The following CTDSPL variants were observed in gnomAD, a reference collection of about 807,000 sequenced individuals.
CTDSPL encodes the protein CTD small phosphatase-like protein.
CTDSPL carries 8 observed loss-of-function variants against 30.5 expected under a neutral mutation model. The observed-to-expected ratio is 0.26, with a 90% CI of 0.15 to 0.47. The LOEUF (loss-of-function observed/expected upper bound fraction) is 0.47. Among genes scored for constraint, CTDSPL ranks in the 20% least tolerant of loss-of-function variants. The pLI, the probability that CTDSPL is intolerant of heterozygous loss-of-function variation, is 0.99. For synonymous variants in CTDSPL, 110 were observed against 137.9 expected (o/e 0.80, Z 1.42); for missense variants, 248 against 366.1 (o/e 0.68, Z 2.63).
chr3:37,971,737 C>G (rs1699369167), intron 6 of CTDSPL, among the ~76,000 whole-genome samples: 1 of 152,214 alleles, frequency 6.6e-6, no homozygotes, highest in Admixed American at 6.5e-5. Context: ...TTGCTGTGTG[C>G]AGCCACCTGA....
rs2125638094 is a variant in CTDSPL at position 37,982,450 on chromosome 3, C to T, written c.*1583C>T. 2.3e-6 allele frequency: 1 copy of T among 442,312 alleles called. No homozygotes were observed. Among genetic ancestry groups the T allele is most frequent in the African/African-American group, 2.0e-5 (1 of 49,834 alleles). 27.4% of individuals were successfully genotyped at this position (442,312 alleles called of 1,614,324 possible). A position where few individuals can be genotyped will look rare whatever the true frequency, so the allele number is the denominator to read the frequency against. ...AACCCTTTCATATTGGCACCATTGC[C>T]TTAGTCCTCTGTGGGTTGGTCTTCA... On this transcript the variant is annotated 3_prime_UTR_variant, in exon 8 of 8. Transcript: ENST00000273179.
intron 1 of CTDSPL, among the ~76,000 whole-genome samples, chr3:37,908,921 G>A (rs2125604783): frequency 6.6e-6 from 1 of 152,254 alleles, no homozygotes; most frequent in East Asian, 1.9e-4. Flanking sequence ...CTGTTGGAGT[G>A]GTCTTGGGTT....
intron 1 of CTDSPL, among the ~76,000 whole-genome samples, chr3:37,893,808 T>A (rs1192250123): frequency 6.6e-6 from 1 of 152,224 alleles, no homozygotes; most frequent in Non-Finnish European, 1.5e-5. Context: ...GAAAAGTAAC[T>A]TCTTGCACAC....
intron 2 of CTDSPL, among the ~76,000 whole-genome samples, chr3:37,955,602 A>T (rs1699162357): frequency 6.6e-6 from 1 of 152,170 alleles, no homozygotes; most frequent in Non-Finnish European, 1.5e-5. Context: ...CAGAAAACCA[A>T]ATACCGCACG....
intron 1 of CTDSPL, among the ~76,000 whole-genome samples, chr3:37,914,773 A>G (rs1698624692): frequency 6.6e-6 from 1 of 151,750 alleles, no homozygotes; most frequent in Non-Finnish European, 1.5e-5. Flanking sequence ...TGTCCTTGTC[A>G]GATTTTTGTG....
intron 1 of CTDSPL, among the ~76,000 whole-genome samples, chr3:37,917,298 C>G (rs560514127): frequency 6.6e-6 from 1 of 152,280 alleles, no homozygotes; most frequent in South Asian, 2.1e-4. Context: ...TTCACACGTA[C>G]ATGTTTATAG....
intron 1 of CTDSPL, among the ~76,000 whole-genome samples, chr3:37,882,491 C>A (rs1418509229): frequency 1.3e-5 from 2 of 150,388 alleles, no homozygotes; most frequent in Admixed American, 1.3e-4. Flanking sequence ...GTGGTGCACA[C>A]CTGTAAACCC....
In CTDSPL at chr3:37,977,489, T is replaced by C. The variant is rs1170582289; in HGVS notation, c.705+1595T>C. 2.0e-5 allele frequency among the ~76,000 whole-genome samples: 3 copies of C among 152,322 alleles called. No homozygotes were observed. In the East Asian group the frequency reaches 5.8e-4, roughly 29 times the overall value. On this transcript the variant is annotated intron_variant, in intron 7 of 7. Coordinates refer to ENST00000273179, the MANE Select transcript of CTDSPL (RefSeq NM_001008392.2). ...ACATTCTGGATTTGTCCAGCTGCTG[T>C]CTTGTGATGATGTTTAATATGTTCT...
At position 37,975,288 on chromosome 3, in the gene CTDSPL, T is replaced by C. The variant is rs1699412357; in HGVS notation, c.520-421T>C. Among the ~76,000 whole-genome samples the C allele has an allele frequency of 6.7e-6, 1 of 149,502 alleles. No homozygotes were observed. The highest frequency in any genetic ancestry group is 2.0e-4 in the East Asian group (1 of 5,078). On this transcript the variant is annotated intron_variant, in intron 6 of 7. Coordinates refer to ENST00000273179, the MANE Select transcript of CTDSPL (RefSeq NM_001008392.2). This position sits in a 1 kb window ranked among gnomAD's most constrained non-coding sequence, Gnocchi z 4.9. ...AGTGCGGTGTGTAGACAGTGGAGAG[T>C]TTTCAGCAGAGGAGTGACATGATGG...
intron 1 of CTDSPL, among the ~76,000 whole-genome samples, chr3:37,946,319 G>A (rs1276860189): frequency 6.6e-6 from 1 of 152,250 alleles, no homozygotes; most frequent in East Asian, 1.9e-4. Context: ...GTTCAGAGCA[G>A]GCCAGGGCAC....
At chr3:37,980,410 T>G (rs1699476221) in intron 7 of CTDSPL, among the ~76,000 whole-genome samples, 2 of 152,196 alleles carry the variant, frequency 1.3e-5, no homozygotes, top group South Asian at 4.1e-4. Context: ...TCTTGTGCAG[T>G]AGAAAGAGCT....
chr3:37,921,607 C>CCACACACACACACACA (rs58395906), intron 1 of CTDSPL, among the ~76,000 whole-genome samples: 4 of 147,746 alleles, frequency 2.7e-5, no homozygotes, highest in African/African-American at 1.0e-4. Flanking sequence ...ACCCTAACTA[C>CCACACACACACACACA]CACACACACA....
chr3:37,886,432 T>TC (rs1042682951), intron 1 of CTDSPL, among the ~76,000 whole-genome samples: 1 of 152,094 alleles, frequency 6.6e-6, no homozygotes, highest in African/African-American at 2.4e-5. Context: ...GTTGTCGAGG[T>TC]CCCATACCCT....
intron 2 of CTDSPL, among the ~76,000 whole-genome samples, chr3:37,952,861 A>G (rs1327729526): frequency 6.6e-6 from 1 of 152,254 alleles, no homozygotes; most frequent in Non-Finnish European, 1.5e-5. Flanking sequence ...TCAGAGGTTT[A>G]AACAATAAAA....
At chr3:37,908,888 G>C (rs1698547831) in intron 1 of CTDSPL, among the ~76,000 whole-genome samples, 1 of 152,148 alleles carries the variant, frequency 6.6e-6, no homozygotes, top group South Asian at 2.1e-4. Context: ...GTTTGTTAGA[G>C]ATTGGTATTT....
chr3:37,865,769 A>G (rs1435465115), intron 1 of CTDSPL, among the ~76,000 whole-genome samples: 1 of 152,158 alleles, frequency 6.6e-6, no homozygotes, highest in East Asian at 1.9e-4. Context: ...AAAGAGTGCC[A>G]GTCTTGTGTA....
intron 1 of CTDSPL, among the ~76,000 whole-genome samples, chr3:37,930,811 T>C (rs966844407): frequency 6.6e-6 from 1 of 152,224 alleles, no homozygotes; most frequent in Non-Finnish European, 1.5e-5. Context: ...TCTACTATTA[T>C]TGTGTTGCTG....
At chr3:37,952,156 G>A (rs1296963264) in intron 2 of CTDSPL, among the ~76,000 whole-genome samples, 1 of 152,056 alleles carries the variant, frequency 6.6e-6, no homozygotes, top group Non-Finnish European at 1.5e-5. Flanking sequence ...CAGCCTGGGT[G>A]CTAGAGCAAG....
At chr3:37,967,203 A>G (rs537615066) in intron 4 of CTDSPL, among the ~76,000 whole-genome samples, 1 of 152,310 alleles carries the variant, frequency 6.6e-6, no homozygotes, top group Non-Finnish European at 1.5e-5. Flanking sequence ...GATTCTCAGT[A>G]CTGGACTGGG....
Sources: gnomAD v4.1 joint callset for allele counts (sites outside exome capture counted in the v4.1 genomes callset) on GRCh38, gnomAD v4.1.1 for gene constraint, Gnocchi (gnomAD v3.1) non-coding constraint, MANE v1.5 for transcripts, NCBI Gene and HGNC (gene_info 2026-07-23, HGNC 2026-07-21) for gene names.